GRK2: variants seen among roughly 807,000 people sequenced by gnomAD.
The protein encoded by GRK2 is G protein-coupled receptor kinase 2, also known as adrenergic beta receptor kinase 1.
GRK2 carries 23 observed loss-of-function variants against 97.8 expected under a neutral mutation model. The ratio of observed to expected loss-of-function variants is 0.24; its 90% CI spans 0.17 to 0.33. The LOEUF is 0.33. Ranked by LOEUF, GRK2 falls within the 10% of genes least tolerant of loss-of-function variation. The probability of loss-of-function intolerance (pLI) is 1.00; values close to 1 mark genes in which losing one functional copy is unlikely to be tolerated. For missense variants in GRK2, 633 were observed against 956.9 expected (o/e 0.66, Z 4.47); for synonymous variants, 425 against 381.7 (o/e 1.11, Z -1.32).
chr11:67,271,974 C>T (rs1372602737), intron 1 of GRK2, among the ~76,000 whole-genome samples: 1 of 152,236 alleles, frequency 6.6e-6, no homozygotes, highest in Admixed American at 6.5e-5. Context: ...TCGCTCATCT[C>T]CCAGGGGACG....
rs998322942 is a variant in GRK2 at position 67,269,521 on chromosome 11, C to T, written c.113+2709C>T. Among the ~76,000 whole-genome samples the T allele has an allele frequency of 3.9e-5, 6 of 152,310 alleles. No homozygotes were observed. Among genetic ancestry groups the T allele is most frequent in the Admixed American group, 3.3e-4 (5 of 15,302 alleles). On this transcript the variant is annotated intron_variant, in intron 1 of 20. Coordinates refer to ENST00000308595, the MANE Select transcript of GRK2 (RefSeq NM_001619.5). This position sits in a 1 kb window ranked among gnomAD's most constrained non-coding sequence, Gnocchi z 4.1. ...TTTTGCGGTGTGGGCTGACTGGCAC[C>T]CCTTGTCTGGGGCCATCGGCTGTCA...
intron 6 of GRK2, 97 bp from the exon 7 acceptor site, chr11:67,280,635 G>A (rs1305274758): frequency 2.9e-6 from 4 of 1,389,456 alleles, no homozygotes; most frequent in Admixed American, 3.4e-5. Flanking sequence ...CTACCCTCAC[G>A]GGACCCCAGG....
chr11:67,279,249 G>T lies in GRK2; in HGVS notation c.240G>T (p.Arg80Ser). The change falls in exon 3 of 21, where the codon AGG (arginine) becomes AGT (serine). Residue 80 changes from arginine to serine, a missense_variant. Arg to Ser is a moderately radical substitution (Grantham distance 110). Transcript: ENST00000308595. ...DFCLNHLEEA[R>S]PLVEFYEEIK... ...GCCTGAACCACCTGGAGGAGGCCAG[G>T]CCCTTGGTGGAATTCTATGAGGAGG... 2.5e-6 allele frequency: 4 copies of T among 1,613,664 alleles called. No individual in the cohort carries two copies. The highest frequency in any genetic ancestry group is 3.4e-6 in the Non-Finnish European group (4 of 1,180,006).
chr11:67,274,163 C>G (rs921480032), intron 1 of GRK2, among the ~76,000 whole-genome samples: 1 of 152,108 alleles, frequency 6.6e-6, no homozygotes, highest in African/African-American at 2.4e-5. Context: ...CAGGCGCACG[C>G]CACCATGCTG....
Position 67,284,975 on chromosome 11 carries a change from G to C in GRK2, c.1783G>C (p.Glu595Gln). The change falls in exon 19 of 21, where the codon GAG becomes CAG. Residue 595 changes from glutamate (E) to glutamine (Q), a missense_variant. Physicochemically the swap from Glu to Gln is conservative, Grantham distance 29 (BLOSUM62 2). This residue lies in a region of GRK2 where 180 missense variants were observed against 311.3 expected (regional missense o/e 0.58). Coordinates refer to ENST00000308595, the MANE Select transcript of GRK2 (RefSeq NM_001619.5). ...PNRLEWRGEG[E>Q]APQSLLTMEE... is the part of the protein sequence containing the mutation. ...CCGCCTCGAGTGGCGGGGCGAGGGC[G>C]AGGCCCCGGTAAGGAGCCCGTGCGG... 6.2e-7 allele frequency: 1 copy of C among 1,612,120 alleles called. No homozygotes were observed. The highest frequency in any genetic ancestry group is 8.5e-7 in the Non-Finnish European group (1 of 1,179,624).
At position 67,284,894 on chromosome 11, in the gene GRK2, A is replaced by G; in HGVS notation, c.1702A>G (p.Met568Val). Reference sequence around the variant, plus strand: ...CATCATGCATGGCTACATGTCCAAGATGGGCAACCCCTTCCTGACCCAGTG... The same window carrying G: ...CATCATGCATGGCTACATGTCCAAGGTGGGCAACCCCTTCCTGACCCAGTG... ...DCIMHGYMSK[M>V]GNPFLTQWQR... The change falls in exon 19 of 21, where the codon ATG (methionine) becomes GTG (valine). Residue 568 changes from methionine to valine, a missense_variant. Coordinates refer to ENST00000308595, the MANE Select transcript of GRK2 (RefSeq NM_001619.5). 1 of 1,613,474 alleles carries G rather than the reference A, an allele frequency of 6.2e-7. No homozygotes were observed. The highest frequency in any genetic ancestry group is 1.1e-5 in the South Asian group (1 of 91,078).
chr11:67,276,040 C>T lies in GRK2; in HGVS notation c.114-1232C>T, dbSNP rs1234558111. Among the ~76,000 whole-genome samples, 2 of 152,144 alleles carry T rather than the reference C, an allele frequency of 1.3e-5. No individual in the cohort carries two copies. The highest frequency in any genetic ancestry group is 4.8e-5 in the African/African-American group (2 of 41,426). ...CTGGGCTCCTAGGGGCAGGCAGGGC[C>T]GGGGTGCAGAAAGGCAGGGGCCATG... On this transcript the variant is annotated intron_variant, in intron 1 of 20. Coordinates refer to ENST00000308595, the MANE Select transcript of GRK2 (RefSeq NM_001619.5). This position sits in a 1 kb window ranked among gnomAD's most constrained non-coding sequence, Gnocchi z 4.2.
Position 67,281,361 on chromosome 11 carries a change from G to A in GRK2, c.648-98G>A, listed in dbSNP as rs2136502081. ...TCCCTGTCTCTGATTTGTGTCACAC[G>A]CTGGTCCTGGGTCTAGTCTTTCCCT... On this transcript the variant is annotated intron_variant, in intron 8 of 20. Coordinates refer to ENST00000308595, the MANE Select transcript of GRK2 (RefSeq NM_001619.5). The surrounding 1 kb of genome is among the most constrained non-coding windows in gnomAD (Gnocchi z 5.7). The A allele has an allele frequency of 4.1e-6, 5 of 1,224,870 alleles. No homozygotes were observed. The highest frequency in any genetic ancestry group is 1.3e-5 in the South Asian group (1 of 79,790). The allele number at this position is 1,224,870 out of a possible 1,614,324, so 75.9% of individuals were successfully genotyped here.
intron 6 of GRK2, chr11:67,280,273 G>T: frequency 2.6e-6 from 1 of 385,820 alleles, no homozygotes; most frequent in Non-Finnish European, 4.8e-6. Flanking sequence ...TGGCCCCCGT[G>T]ACCCTCACAG....
intron 1 of GRK2, among the ~76,000 whole-genome samples, chr11:67,273,755 T>G (rs1859961519): frequency 6.6e-6 from 1 of 152,118 alleles, no homozygotes; most frequent in Non-Finnish European, 1.5e-5. Flanking sequence ...AAGAATGTGG[T>G]GGCCATGCCC....
chr11:67,273,007 C>T (rs1859943585), intron 1 of GRK2, among the ~76,000 whole-genome samples: 1 of 152,276 alleles, frequency 6.6e-6, no homozygotes, highest in South Asian at 2.1e-4. Context: ...GGCTCTCTCC[C>T]ATGGCCCAGC....
chr11:67,279,472 GA>G lies in GRK2; in HGVS notation c.320del (p.Glu107GlyfsTer8). ...GGAGGAGCGTGTGGCCCGCAGCCGG[GA>G]GATCTTCGACTCATACATCATGAAG... ...TEEERVARSR[E>X]IFDSYIMKEL... On this transcript the variant is annotated frameshift_variant, in exon 4 of 21. Coordinates refer to ENST00000308595, the MANE Select transcript of GRK2 (RefSeq NM_001619.5). LOFTEE classifies it high-confidence loss of function. 1 of 1,613,300 alleles carries G rather than the reference GA, an allele frequency of 6.2e-7. No homozygotes were observed. The highest frequency in any genetic ancestry group is 8.5e-7 in the Non-Finnish European group (1 of 1,180,026).
At chr11:67,277,178 C>T (rs577570415) in intron 1 of GRK2, 94 bp from the exon 2 acceptor site, 32 of 1,210,346 alleles carry the variant, frequency 2.6e-5, no homozygotes, top group South Asian at 1.6e-4. Context: ...GAGGGAGTGG[C>T]GACACCACCA....
chr11:67,277,341 G>A lies in GRK2; in HGVS notation c.183G>A (p.Gln61=), dbSNP rs759380701. 16 of 1,613,520 alleles carry A rather than the reference G, an allele frequency of 9.9e-6. No individual in the cohort carries two copies. The highest frequency in any genetic ancestry group is 1.3e-5 in the Non-Finnish European group (15 of 1,179,886). The change falls in exon 2 of 21, where the codon CAG becomes CAA. Residue 61 remains glutamine (Q), a synonymous_variant. Coordinates refer to ENST00000308595, the MANE Select transcript of GRK2 (RefSeq NM_001619.5). ...GEVTFEKIFS[Q]KLGYLLFRDF... The stretch of plus-strand genomic sequence containing the variant: ...TGACCTTTGAGAAGATCTTTTCCCA[G>A]AAGCTGGGTGAGTATGGCAGTGGCT...
In GRK2 at chr11:67,273,807, G is replaced by A. The variant is rs140965714; in HGVS notation, c.114-3465G>A. ...GGGAGAGATGGCCTCAGAGCCCCGGGTCCTGCTTCCTGCTGTTCCCAGGCC... is the reference window on the plus strand; with the variant it reads ...GGGAGAGATGGCCTCAGAGCCCCGGATCCTGCTTCCTGCTGTTCCCAGGCC... On this transcript the variant is annotated intron_variant, in intron 1 of 20. Transcript: ENST00000308595. Among the ~76,000 whole-genome samples the A allele has an allele frequency of 3.2e-4, 49 of 152,284 alleles. No homozygotes were observed. The East Asian group carries it at 7.2e-3, about 22-fold the overall frequency.
At chr11:67,284,737 C>T in intron 18 of GRK2, 110 bp from the exon 19 acceptor site, 1 of 1,421,134 alleles carries the variant, frequency 7.0e-7, no homozygotes, top group Non-Finnish European at 9.5e-7. Flanking sequence ...TGCAGTGAGC[C>T]AAGATTGTGC....
intron 1 of GRK2, among the ~76,000 whole-genome samples, chr11:67,274,202 G>A (rs1230658764): frequency 6.6e-6 from 1 of 152,010 alleles, no homozygotes; most frequent in Middle Eastern, 3.4e-3. Context: ...CAGTAGAGAC[G>A]GGGTTTCACC....
At position 67,279,478 on chromosome 11, in the gene GRK2, T is replaced by C; in HGVS notation, c.325T>C (p.Phe109Leu). The C allele has an allele frequency of 1.2e-6, 2 of 1,613,290 alleles. No homozygotes were observed. The highest frequency in any genetic ancestry group is 1.7e-6 in the Non-Finnish European group (2 of 1,180,000). ...GCGTGTGGCCCGCAGCCGGGAGATC[T>C]TCGACTCATACATCATGAAGGAGCT... ...EERVARSREI[F>L]DSYIMKELLA... The change falls in exon 4 of 21, where the codon TTC (phenylalanine) becomes CTC (leucine). Residue 109 changes from phenylalanine (F) to leucine (L), a missense_variant. Phe to Leu is a conservative substitution (Grantham distance 22). Transcript: ENST00000308595.
chr11:67,267,281 C>T (rs1445459020), intron 1 of GRK2, among the ~76,000 whole-genome samples: 1 of 152,238 alleles, frequency 6.6e-6, no homozygotes, highest in Non-Finnish European at 1.5e-5. Flanking sequence ...GCTGTCCCTG[C>T]TCACGGCACT....
Sources: gnomAD v4.1 joint callset for allele counts (sites outside exome capture counted in the v4.1 genomes callset) on GRCh38, gnomAD v4.1.1 for gene constraint, gnomAD v4.1.1 regional missense constraint, Gnocchi (gnomAD v3.1) non-coding constraint, MANE v1.5 for transcripts, NCBI Gene and HGNC (gene_info 2026-07-23, HGNC 2026-07-21) for gene names.